The following EDIL3 variants were observed in gnomAD, a reference collection of about 807,000 sequenced individuals.
EDIL3 encodes EGF like and discoidin domains 3, also known as EGF-like repeat and discoidin I-like domain-containing protein 3.
A neutral mutation model predicts 67.4 loss-of-function variants in EDIL3; 37 were observed. The observed-to-expected ratio is 0.55, with a 90% CI of 0.42 to 0.72. The LOEUF (loss-of-function observed/expected upper bound fraction) is 0.72. EDIL3 is among the 30% of genes least tolerant of loss of function. The probability of loss-of-function intolerance (pLI) is 0.00; values close to 1 mark genes in which losing one functional copy is unlikely to be tolerated. For missense variants in EDIL3, 527 were observed against 586.3 expected, an observed-to-expected ratio of 0.90 and a Z score of 1.04; for synonymous variants, 195 against 196.3, an observed-to-expected ratio of 0.99 and a Z score of 0.05.
chr5:83,963,349 A>C lies in EDIL3; in HGVS notation c.1149T>G (p.Leu383=). Residue 383 remains leucine (L), a synonymous_variant, in exon 10 of 11, where the codon CTT becomes CTG. Transcript: ENST00000296591. ...TGATGCCAGTCACTTTGGTTGGAAC[A>C]AGAAGATCCACCTTAAAAAAAAGAA... The part of the protein sequence containing the change: ...DQSQWLQVDL[L]VPTKVTGIIT... 1 of 1,600,220 alleles carries C rather than the reference A, an allele frequency of 6.2e-7. No homozygotes were observed. Among genetic ancestry groups the C allele is most frequent in the South Asian group, 1.1e-5 (1 of 88,308 alleles).
chr5:83,976,674 G>A (rs892100348), intron 9 of EDIL3, among the ~76,000 whole-genome samples: 5 of 150,912 alleles, frequency 3.3e-5, no homozygotes, highest in Non-Finnish European at 3.0e-5. Flanking sequence ...CTGTGACATC[G>A]ACAATACCTA....
chr5:84,158,432 G>C (rs1748533338), intron 4 of EDIL3, among the ~76,000 whole-genome samples: 2 of 151,996 alleles, frequency 1.3e-5, no homozygotes, highest in African/African-American at 4.8e-5. Flanking sequence ...AAATATGTCA[G>C]CTTTTTCTCA....
At chr5:84,253,843 T>A (rs571035990) in intron 2 of EDIL3, among the ~76,000 whole-genome samples, 151 of 151,942 alleles carry the variant, frequency 9.9e-4, no homozygotes, top group Middle Eastern at 3.4e-3. Flanking sequence ...ATTTATGTAT[T>A]ATTTGTAATG....
intron 3 of EDIL3, among the ~76,000 whole-genome samples, chr5:84,208,398 G>A (rs1744033153): frequency 6.6e-6 from 1 of 151,842 alleles, no homozygotes; most frequent in Admixed American, 6.6e-5. Flanking sequence ...TCAGGAAACA[G>A]GCCAGGCGCG....
chr5:84,363,446 C>CAA (rs34829764), intron 1 of EDIL3, among the ~76,000 whole-genome samples: 11 of 76,646 alleles, frequency 1.4e-4, no homozygotes, highest in Admixed American at 3.0e-4. Context: ...AAGACTCTGT[C>CAA]AAAAAAAAAA....
At chr5:84,302,409 G>A (rs958584783) in intron 1 of EDIL3, among the ~76,000 whole-genome samples, 1 of 152,106 alleles carries the variant, frequency 6.6e-6, no homozygotes, top group African/African-American at 2.4e-5. Flanking sequence ...CCATTCTCCT[G>A]CCTCAGTCTC....
intron 1 of EDIL3, among the ~76,000 whole-genome samples, chr5:84,283,392 A>AT (rs972572537): frequency 2.0e-5 from 3 of 152,078 alleles, no homozygotes; most frequent in African/African-American, 4.8e-5. Flanking sequence ...CCTAACTTCA[A>AT]TTTTTTCCAT....
chr5:84,167,668 A>G (rs1748733157), intron 4 of EDIL3, among the ~76,000 whole-genome samples: 1 of 152,200 alleles, frequency 6.6e-6, no homozygotes. Flanking sequence ...CACATATACT[A>G]AATTGACAGG....
At chr5:84,016,209 T>C (rs1022812047) in intron 9 of EDIL3, among the ~76,000 whole-genome samples, 2 of 152,194 alleles carry the variant, frequency 1.3e-5, no homozygotes, top group Non-Finnish European at 1.5e-5. Flanking sequence ...TTTTATTATA[T>C]TGTGTGTTAC....
At chr5:84,079,763 A>C (rs1272292435) in intron 6 of EDIL3, among the ~76,000 whole-genome samples, 2 of 152,154 alleles carry the variant, frequency 1.3e-5, no homozygotes, top group Non-Finnish European at 2.9e-5. Context: ...ATGTCACTTA[A>C]GGGATTTAAA....
In EDIL3 at chr5:84,004,195, C is replaced by T. The variant is rs527944894; in HGVS notation, c.1138-40835G>A. 2.5e-3 allele frequency among the ~76,000 whole-genome samples: 375 copies of T among 152,182 alleles called. 1 individual carries two copies. Among genetic ancestry groups the T allele is most frequent in the African/African-American group, 7.5e-3 (312 of 41,528 alleles). ...AGTAAAACAAGTTCTTAGAGACTTA[C>T]GAAGAGACTTAAATAACCACAAAAT... On this transcript the variant is annotated intron_variant, in intron 9 of 10. Transcript: ENST00000296591.
intron 2 of EDIL3, among the ~76,000 whole-genome samples, chr5:84,248,574 A>G (rs1038818763): frequency 1.3e-5 from 2 of 152,188 alleles, no homozygotes; most frequent in South Asian, 2.1e-4. Context: ...CATCTATGTA[A>G]TTATGACTTC....
At chr5:84,262,243 G>A (rs1745236977) in intron 1 of EDIL3, among the ~76,000 whole-genome samples, 2 of 152,062 alleles carry the variant, frequency 1.3e-5, no homozygotes, top group Admixed American at 1.3e-4. Context: ...AGAATCTCTG[G>A]GGATGGTTCC....
chr5:84,313,557 T>G (rs1394062779), intron 1 of EDIL3, among the ~76,000 whole-genome samples: 1 of 152,188 alleles, frequency 6.6e-6, no homozygotes, highest in Non-Finnish European at 1.5e-5. Context: ...TCCACTTCTT[T>G]TCCTCTACAA....
intron 6 of EDIL3, among the ~76,000 whole-genome samples, chr5:84,092,948 T>G (rs1747193707): frequency 6.6e-6 from 1 of 152,278 alleles, no homozygotes. Context: ...TTGCAGTGAT[T>G]ATGGAGTAAA....
rs569622764 is a variant in EDIL3, at chr5:84,148,022, A to G, written c.356-10668T>C. Among the ~76,000 whole-genome samples, 61 of 152,246 alleles carry G rather than the reference A, an allele frequency of 4.0e-4. 1 individual carries two copies. The South Asian group carries it at 0.013, about 32-fold the overall frequency. ...AAATGATGTCCTAAATGAGATTTCT[A>G]AATTATCTTATACTTCTAAAGCTAT... On this transcript the variant is annotated intron_variant, in intron 4 of 10. Coordinates refer to ENST00000296591, the MANE Select transcript of EDIL3 (RefSeq NM_005711.5).
intron 1 of EDIL3, among the ~76,000 whole-genome samples, chr5:84,287,204 G>T (rs1169561761): frequency 1.3e-5 from 2 of 152,084 alleles, no homozygotes; most frequent in Non-Finnish European, 1.5e-5. Context: ...TTTTCATAAA[G>T]AATATATAGT....
At chr5:84,357,643 C>G (rs1039565676) in intron 1 of EDIL3, among the ~76,000 whole-genome samples, 1 of 152,028 alleles carries the variant, frequency 6.6e-6, no homozygotes, top group African/African-American at 2.4e-5. Flanking sequence ...AATCCCAGCA[C>G]GTGGGAAGGC....
intron 2 of EDIL3, among the ~76,000 whole-genome samples, chr5:84,230,582 C>A (rs1398968291): frequency 6.6e-6 from 1 of 151,946 alleles, no homozygotes; most frequent in South Asian, 2.1e-4. Context: ...TAATGTTGTA[C>A]TTTTAGTAGA....
Sources: allele counts gnomAD v4.1 joint callset (sites outside exome capture counted in the v4.1 genomes callset), GRCh38; gene constraint gnomAD v4.1.1; transcripts MANE v1.5; gene names NCBI Gene and HGNC (gene_info 2026-07-23, HGNC 2026-07-21).